The following ADGRE3 variants were observed in gnomAD, a reference collection of about 807,000 sequenced individuals.
The protein encoded by ADGRE3 is adhesion G protein-coupled receptor E3, also known as EGF-like module receptor 3.
A neutral mutation model predicts 80.1 loss-of-function variants in ADGRE3; 88 were observed. The observed-to-expected ratio is 1.10, with a 90% CI of 0.93 to 1.31. The LOEUF (loss-of-function observed/expected upper bound fraction) is 1.31, where lower values mean the gene tolerates loss of function less well. Among genes scored for constraint, ADGRE3 ranks in the 40% most tolerant of loss-of-function variants. The probability of loss-of-function intolerance (pLI) is 0.00; values close to 1 mark genes in which losing one functional copy is unlikely to be tolerated. For synonymous variants in ADGRE3, 281 were observed against 294.8 expected, an observed-to-expected ratio of 0.95 and a Z score of 0.48; for missense variants, 715 against 776.5, an observed-to-expected ratio of 0.92 and a Z score of 0.94.
At chr19:14,653,260 A>C (rs371998700) in intron 6 of ADGRE3, among the ~76,000 whole-genome samples, 1 of 152,066 alleles carries the variant, frequency 6.6e-6, no homozygotes, top group East Asian at 1.9e-4. Context: ...TTACAGGATG[A>C]GCCACCTCAT....
intron 7 of ADGRE3, among the ~76,000 whole-genome samples, chr19:14,650,289 C>T (rs1249012447): frequency 6.8e-6 from 1 of 147,126 alleles, no homozygotes; most frequent in African/African-American, 2.5e-5. Flanking sequence ...TCTGTCTTTC[C>T]ACCACTCTCC....
chr19:14,652,131 A>G (rs576480837), intron 6 of ADGRE3, among the ~76,000 whole-genome samples: 1 of 152,118 alleles, frequency 6.6e-6, no homozygotes, highest in Non-Finnish European at 1.5e-5. Flanking sequence ...AAAGTCACAA[A>G]TGAATTGCAA....
chr19:14,616,782 T>G (rs1272539288), downstream of ADGRE3, among the ~76,000 whole-genome samples: 2 of 131,030 alleles, frequency 1.5e-5, no homozygotes, highest in Non-Finnish European at 3.1e-5. Flanking sequence ...GAAACAAGCT[T>G]TTTTCTAGAA....
At chr19:14,673,914 A>C (rs1247760393) in intron 1 of ADGRE3, among the ~76,000 whole-genome samples, 2 of 152,158 alleles carry the variant, frequency 1.3e-5, no homozygotes, top group African/African-American at 2.4e-5. Context: ...TTCATCGTCT[A>C]TCATTCTACT....
At chr19:14,628,410 G>T (rs1970789730) in intron 14 of ADGRE3, among the ~76,000 whole-genome samples, 1 of 151,918 alleles carries the variant, frequency 6.6e-6, no homozygotes, top group Non-Finnish European at 1.5e-5. Context: ...CTGTACTCCA[G>T]CCTGGGTGAC....
At chr19:14,607,066 A>C in the ADGRE3 span, 1 of 1,345,612 alleles carries the variant, frequency 7.4e-7, no homozygotes, top group Non-Finnish European at 9.6e-7. Flanking sequence ...CAGGAAGGGG[A>C]CTGGAGGTGG....
chr19:14,672,712 C>A (rs555110988), intron 1 of ADGRE3, among the ~76,000 whole-genome samples: 1 of 152,098 alleles, frequency 6.6e-6, no homozygotes. Flanking sequence ...TGAGCTCAAG[C>A]GATCCTCCCA....
intron 9 of ADGRE3, 56 bp from the exon 10 acceptor site, chr19:14,641,672 C>T: frequency 1.9e-6 from 3 of 1,586,172 alleles, no homozygotes; most frequent in Non-Finnish European, 8.6e-7. Flanking sequence ...GATTATGGCT[C>T]CCTCCTTGAA....
chr19:14,620,784 A>G (rs1389659664), intron 15 of ADGRE3, among the ~76,000 whole-genome samples: 1 of 150,186 alleles, frequency 6.7e-6, no homozygotes, highest in African/African-American at 2.5e-5. Context: ...GTTTCTGCAG[A>G]GACAGGGTCT....
At chr19:14,617,015 G>A (rs1449593058), downstream of ADGRE3, among the ~76,000 whole-genome samples, 1 of 149,702 alleles carries the variant, frequency 6.7e-6, no homozygotes, top group Non-Finnish European at 1.5e-5. Context: ...GGCTGGTCTC[G>A]AACTCCTGAC....
At chr19:14,630,343 G>T in intron 13 of ADGRE3, 136 bp from the exon 14 acceptor site, 1 of 522,064 alleles carries the variant, frequency 1.9e-6, no homozygotes, top group Non-Finnish European at 3.1e-6. Context: ...CTGGCTACCT[G>T]TGTGATCTTG....
At chr19:14,635,278 T>C (rs1971005752) in intron 11 of ADGRE3, among the ~76,000 whole-genome samples, 2 of 151,940 alleles carry the variant, frequency 1.3e-5, no homozygotes, top group South Asian at 4.2e-4. Context: ...AACAATTTTT[T>C]TTTTTTGGTA....
At chr19:14,633,327 CAAAGA>C in intron 11 of ADGRE3, 25 bp from the exon 12 acceptor site, 1 of 1,576,088 alleles carries the variant, frequency 6.3e-7, no homozygotes. Context: ...AAAAGAGATA[CAAAGA>C]GAGATCAGAG....
At chr19:14,629,292 A>G (rs1348501709) in intron 14 of ADGRE3, among the ~76,000 whole-genome samples, 1 of 152,090 alleles carries the variant, frequency 6.6e-6, no homozygotes, top group Non-Finnish European at 1.5e-5. Context: ...TTAAGGTAGT[A>G]ATGTAAATAA....
rs1568490888 is a variant in ADGRE3, at chr19:14,650,642, TCTCTCTCTCTCTCTCTC to T, written c.697+426_697+442del. On this transcript the variant is annotated intron_variant, in intron 7 of 15. Coordinates refer to ENST00000253673, the MANE Select transcript of ADGRE3 (RefSeq NM_032571.5). ...CTCTCTGTCTCCATCTCTCTCTCTCTCTCTCTCTCTCTCTCTCTCTCTCTCTCTCTCTCTCTCTCTCC... is the reference window on the plus strand; with the variant it reads ...CTCTCTGTCTCCATCTCTCTCTCTCTTCTCTCTCTCTCTCTCTCTCTCTCC... 5.3e-4 allele frequency among the ~76,000 whole-genome samples: 46 copies of T among 87,332 alleles called. 2 individuals carry two copies. Among genetic ancestry groups the T allele is most frequent in the East Asian group, 2.3e-3 (5 of 2,204 alleles). 57.3% of individuals were successfully genotyped at this position (87,332 alleles called of 152,430 possible).
At position 14,644,107 on chromosome 19, in the gene ADGRE3, C is replaced by T. The variant is rs1256206425; in HGVS notation, c.1050+1G>A. 2.6e-6 allele frequency: 4 copies of T among 1,513,462 alleles called. No homozygotes were observed. In the South Asian group the frequency reaches 3.8e-5, roughly 15 times the overall value. The allele number at this position is 1,513,462 out of a possible 1,614,324, so 93.8% of individuals were successfully genotyped here. A position where few individuals can be genotyped will look rare whatever the true frequency, so the allele number is the denominator to read the frequency against. On this transcript the variant is annotated splice_donor_variant, in intron 9 of 15. Transcript: ENST00000253673. LOFTEE classifies it high-confidence loss of function. ...GGAAGAATAAAACATATACATCATA[C>T]CTGGCTGGTCAGGGCCATCAGGACA...
rs548239022 is a variant in ADGRE3, at chr19:14,621,224, G to A, written c.1921-1753C>T. ...TCTCAGCACTTTGAGAAGCTGAGGCGGGCGGATCACTTGAGATCAGGAGTT... is the reference window on the plus strand; with the variant it reads ...TCTCAGCACTTTGAGAAGCTGAGGCAGGCGGATCACTTGAGATCAGGAGTT... On this transcript the variant is annotated intron_variant, in intron 15 of 15. Coordinates refer to ENST00000253673, the MANE Select transcript of ADGRE3 (RefSeq NM_032571.5). Among the ~76,000 whole-genome samples the A allele has an allele frequency of 3.3e-5, 5 of 152,068 alleles. No individual in the cohort carries two copies. The South Asian group carries it at 6.2e-4, about 19-fold the overall frequency.
In ADGRE3 at chr19:14,620,568, ATTTTTTTTTTTTTT is replaced by A. The variant is rs1189295641; in HGVS notation, c.1921-1111_1921-1098del. 6.8e-3 allele frequency among the ~76,000 whole-genome samples: 75 copies of A among 11,042 alleles called. 5 individuals are homozygous for A. The East Asian group carries it at 0.13, about 19-fold the overall frequency. 7.2% of individuals were successfully genotyped at this position (11,042 alleles called of 152,430 possible). A position where few individuals can be genotyped will look rare whatever the true frequency, so the allele number is the denominator to read the frequency against. On this transcript the variant is annotated intron_variant, in intron 15 of 15. Coordinates refer to ENST00000253673, the MANE Select transcript of ADGRE3 (RefSeq NM_032571.5). ...ATATATTATATATATATATATATAT[ATTTTTTTTTTTTTT>A]TTTTTTTTTTTTTTTGAGACAGGGT... is the stretch of plus-strand genomic sequence containing the variant.
downstream of ADGRE3, among the ~76,000 whole-genome samples, chr19:14,616,489 G>A (rs1335924759): frequency 1.3e-5 from 2 of 151,846 alleles, no homozygotes; most frequent in Non-Finnish European, 2.9e-5. Context: ...TACTAAACCT[G>A]GGAAAGTCCC....
Sources: allele counts gnomAD v4.1 joint callset (sites outside exome capture counted in the v4.1 genomes callset), GRCh38; gene constraint gnomAD v4.1.1; transcripts MANE v1.5; gene names NCBI Gene and HGNC (gene_info 2026-07-23, HGNC 2026-07-21).